The following ASH1L variants were observed in gnomAD, a reference collection of about 807,000 sequenced individuals.
ASH1L encodes the protein ASH1 like histone lysine methyltransferase.
In ASH1L, 23 loss-of-function variants were observed where a neutral mutation model predicts 269.0. That is an observed-to-expected ratio of 0.09 (90% CI 0.06 to 0.12). ASH1L has a LOEUF of 0.12. Among genes scored for constraint, ASH1L ranks in the 10% least tolerant of loss-of-function variants. ASH1L has a pLI of 1.00. For missense variants in ASH1L, 2,912 were observed against 3,567.8 expected (o/e 0.82, Z 4.68); for synonymous variants, 1,187 against 1,253.5 (o/e 0.95, Z 1.12).
At chr1:155,417,428 T>C (rs558281375) in intron 5 of ASH1L, among the ~76,000 whole-genome samples, 1 of 152,294 alleles carries the variant, frequency 6.6e-6, no homozygotes, top group African/African-American at 2.4e-5. Flanking sequence ...GGGTGTCTCT[T>C]TTAGTATACT....
At chr1:155,446,424 G>A (rs1483297734) in intron 4 of ASH1L, among the ~76,000 whole-genome samples, 7 of 148,150 alleles carry the variant, frequency 4.7e-5, no homozygotes, top group African/African-American at 1.2e-4. Context: ...TCAGCCTCCC[G>A]AGTAGCTGAG....
chr1:155,372,094 T>C (rs372744891), intron 10 of ASH1L, among the ~76,000 whole-genome samples: 9 of 151,384 alleles, frequency 5.9e-5, no homozygotes, highest in African/African-American at 2.2e-4. Context: ...ACCTCTGTCC[T>C]CTGGGTTCAA....
intron 2 of ASH1L, among the ~76,000 whole-genome samples, chr1:155,516,229 TTATA>T (rs1488738033): frequency 2.6e-5 from 4 of 151,998 alleles, no homozygotes; most frequent in Non-Finnish European, 5.9e-5. Flanking sequence ...ATGAAAAAAA[TTATA>T]TATAATATTT....
chr1:155,525,454 T>G (rs1669186505), intron 1 of ASH1L, among the ~76,000 whole-genome samples: 1 of 151,646 alleles, frequency 6.6e-6, no homozygotes, highest in African/African-American at 2.4e-5. Context: ...TGCAGAAGTA[T>G]TAATGGGCTT....
chr1:155,465,895 C>T (rs1243571419), intron 3 of ASH1L, among the ~76,000 whole-genome samples: 2 of 152,164 alleles, frequency 1.3e-5, no homozygotes, highest in African/African-American at 2.4e-5. Flanking sequence ...ACCTTGGAAC[C>T]TTCTTGTGAA....
chr1:155,419,155 C>T (rs913031566), intron 5 of ASH1L, among the ~76,000 whole-genome samples: 2 of 152,140 alleles, frequency 1.3e-5, no homozygotes, highest in East Asian at 3.9e-4. Context: ...AATCCCAGCA[C>T]TTTGTGTGGC....
At chr1:155,515,860 T>C (rs944589203) in intron 2 of ASH1L, among the ~76,000 whole-genome samples, 8 of 146,582 alleles carry the variant, frequency 5.5e-5, no homozygotes, top group Admixed American at 3.4e-4. Context: ...AAAAAATGCA[T>C]GGCCCAAAAC....
chr1:155,386,258 C>T (rs1166955899), intron 7 of ASH1L, among the ~76,000 whole-genome samples: 1 of 151,996 alleles, frequency 6.6e-6, no homozygotes, highest in East Asian at 1.9e-4. Context: ...TAAGTAGAGA[C>T]AGGGTTTCAC....
Position 155,337,720 on chromosome 1 carries a change from T to A in ASH1L, c.8835A>T (p.Gly2945=). ...TACGCCTTCGCAGTTTCCTGCCTGA[T>A]CCTTCCTCCAGCAAGTAGGTCACAT... ...AIDVTYLLEE[G]SGRKLRRRTL... Residue 2945 remains glycine, a synonymous_variant, in exon 28 of 28, where the codon GGA becomes GGT. Transcript: ENST00000392403. The A allele has an allele frequency of 6.2e-7, 1 of 1,614,090 alleles. No homozygotes were observed. The highest frequency in any genetic ancestry group is 1.7e-4 in the Middle Eastern group (1 of 6,060).
At chr1:155,534,696 G>C (rs1669929488) in intron 1 of ASH1L, among the ~76,000 whole-genome samples, 1 of 152,136 alleles carries the variant, frequency 6.6e-6, no homozygotes, top group Admixed American at 6.5e-5. Context: ...AAGTCAAAGA[G>C]AGAGCTGAAA....
chr1:155,532,827 A>C (rs1354530325), intron 1 of ASH1L, among the ~76,000 whole-genome samples: 2 of 149,610 alleles, frequency 1.3e-5, no homozygotes, highest in Non-Finnish European at 3.0e-5. Context: ...TGTCTCAAAA[A>C]AAAAAAAAAA....
At chr1:155,367,977 A>G (rs1365729338) in intron 12 of ASH1L, among the ~76,000 whole-genome samples, 1 of 152,128 alleles carries the variant, frequency 6.6e-6, no homozygotes, top group Non-Finnish European at 1.5e-5. Flanking sequence ...AGAGTTTATA[A>G]GTGGTACTGC....
rs1219060498 is a variant in ASH1L at position 155,336,088 on chromosome 1, C to T, written c.*1572G>A. The T allele has an allele frequency of 2.0e-5, 3 of 152,206 alleles. No individual in the cohort carries two copies. The highest frequency in any genetic ancestry group is 7.3e-5 in the African/African-American group (3 of 41,192). 9.4% of individuals were successfully genotyped at this position (152,206 alleles called of 1,614,324 possible). On this transcript the variant is annotated 3_prime_UTR_variant, in exon 28 of 28. Transcript: ENST00000392403. ...TTTCTTTAATAAAATATTTATTTTG[C>T]TTTTTCTCTGCTCAAGGGGATCATT...
intron 5 of ASH1L, among the ~76,000 whole-genome samples, chr1:155,417,537 A>T (rs1034265621): frequency 6.6e-6 from 1 of 152,196 alleles, no homozygotes; most frequent in African/African-American, 2.4e-5. Context: ...CAACTCACAC[A>T]TGATGGCAGA....
At chr1:155,560,494 T>C (rs1481210818) in intron 1 of ASH1L, among the ~76,000 whole-genome samples, 1 of 152,122 alleles carries the variant, frequency 6.6e-6, no homozygotes, top group Non-Finnish European at 1.5e-5. Flanking sequence ...GCACATGTAT[T>C]AACAATTACC....
At chr1:155,519,094 A>G (rs988150490) in intron 2 of ASH1L, among the ~76,000 whole-genome samples, 1 of 152,208 alleles carries the variant, frequency 6.6e-6, no homozygotes, top group Non-Finnish European at 1.5e-5. Flanking sequence ...CACAATAGCC[A>G]AATAGTGGAT....
rs755013684 is a variant in ASH1L, at chr1:155,478,635, G to C, written c.4235C>G (p.Pro1412Arg). ...TGGCGTGGTGAAAGAAGGAGATGGA[G>C]GAGGTGGATAAAGAGTGGGAGGATA... ...GRYPPTLYPP[P>R]PSPSFTTPLP... The change falls in exon 3 of 28, where the codon CCT (proline) becomes CGT (arginine). Residue 1412 changes from proline to arginine, a missense_variant. By Grantham distance (103) the Pro-to-Arg change is moderately radical. This residue lies in a region of ASH1L where 789 missense variants were observed against 897.6 expected (regional missense o/e 0.88). Transcript: ENST00000392403. The surrounding 1 kb of genome is among the most constrained non-coding windows in gnomAD (Gnocchi z 4.6). The C allele has an allele frequency of 6.2e-7, 1 of 1,614,048 alleles. No homozygotes were observed. The highest frequency in any genetic ancestry group is 8.5e-7 in the Non-Finnish European group (1 of 1,180,024).
chr1:155,541,575 T>A (rs1190211877), intron 1 of ASH1L, among the ~76,000 whole-genome samples: 1 of 152,136 alleles, frequency 6.6e-6, no homozygotes, highest in African/African-American at 2.4e-5. Flanking sequence ...CTTACAAAGT[T>A]AGACAAATTT....
chr1:155,492,388 C>T (rs1558163179), intron 2 of ASH1L, among the ~76,000 whole-genome samples: 1 of 152,174 alleles, frequency 6.6e-6, no homozygotes, highest in Non-Finnish European at 1.5e-5. Context: ...AGACGACAAT[C>T]TTCACTACAC....
Sources: allele counts gnomAD v4.1 joint callset (sites outside exome capture counted in the v4.1 genomes callset), GRCh38; gene constraint gnomAD v4.1.1; regional missense constraint gnomAD v4.1.1; non-coding constraint Gnocchi (gnomAD v3.1); transcripts MANE v1.5; gene names NCBI Gene and HGNC (gene_info 2026-07-23, HGNC 2026-07-21).